The following KCNQ1 variants were observed in gnomAD, a reference collection of about 807,000 sequenced individuals.
KCNQ1 encodes the protein potassium voltage-gated channel subfamily KQT member 1.
A neutral mutation model predicts 72.4 loss-of-function variants in KCNQ1; 49 were observed. That is an observed-to-expected ratio of 0.68 (90% CI 0.54 to 0.86). The LOEUF is 0.86. Ranked by LOEUF, KCNQ1 falls within the 40% of genes least tolerant of loss-of-function variation. The pLI is 0.00. For synonymous variants in KCNQ1, 450 were observed against 412.6 expected, an observed-to-expected ratio of 1.09 and a Z score of -1.10; for missense variants, 790 against 945.1, an observed-to-expected ratio of 0.84 and a Z score of 2.15.
rs116453773 is a variant in KCNQ1, at chr11:2,769,838, A to T, written c.1590+919A>T. ...GGCTTCTGAGCTGGGGGCCCCTGGC[A>T]CCTCAGCCACAGCCTCACCAGTCAT... On this transcript the variant is annotated intron_variant, in intron 12 of 15. Coordinates refer to ENST00000155840, the MANE Select transcript of KCNQ1 (RefSeq NM_000218.3). This position sits in a 1 kb window ranked among gnomAD's most constrained non-coding sequence, Gnocchi z 4.6. Among the ~76,000 whole-genome samples, 437 of 152,058 alleles carry T rather than the reference A, an allele frequency of 2.9e-3. 2 individuals are homozygous for T. The highest frequency in any genetic ancestry group is 0.01 in the African/African-American group (422 of 41,452).
At chr11:2,843,948 A>G (rs1848263324) in intron 15 of KCNQ1, among the ~76,000 whole-genome samples, 1 of 152,116 alleles carries the variant, frequency 6.6e-6, no homozygotes, top group Non-Finnish European at 1.5e-5. Context: ...CCCAAAATTG[A>G]TCTGTCCCAG....
In KCNQ1 at chr11:2,624,766, G is replaced by A; in HGVS notation, c.1393+35912G>A. 1 of 398,312 alleles carries A rather than the reference G, an allele frequency of 2.5e-6. No homozygotes were observed. The highest frequency in any genetic ancestry group is 4.4e-6 in the Non-Finnish European group (1 of 226,012). 24.7% of individuals were successfully genotyped at this position (398,312 alleles called of 1,614,324 possible). A position where few individuals can be genotyped will look rare whatever the true frequency, so the allele number is the denominator to read the frequency against. On this transcript the variant is annotated intron_variant, in intron 10 of 15. Coordinates refer to ENST00000155840, the MANE Select transcript of KCNQ1 (RefSeq NM_000218.3). This position sits in a 1 kb window ranked among gnomAD's most constrained non-coding sequence, Gnocchi z 4.9. ...ACCCCCCCACCACCGCCATCTCTTGGAAACCACCTTGTACTTTCTATGTCT... is the reference window on the plus strand; with the variant it reads ...ACCCCCCCACCACCGCCATCTCTTGAAAACCACCTTGTACTTTCTATGTCT...
At chr11:2,634,216 A>T in intron 10 of KCNQ1, 3 of 394,534 alleles carry the variant, frequency 7.6e-6, no homozygotes, top group Non-Finnish European at 1.3e-5. Flanking sequence ...CATGTGCACA[A>T]CGTGCAGGTT....
chr11:2,792,801 G>A (rs1443599328), intron 15 of KCNQ1, among the ~76,000 whole-genome samples: 1 of 152,200 alleles, frequency 6.6e-6, no homozygotes, highest in East Asian at 1.9e-4. Flanking sequence ...CCAGCTCATG[G>A]CTTTGGCAGC....
intron 10 of KCNQ1, chr11:2,641,832 CG>C (rs890075301): frequency 2.5e-6 from 1 of 398,134 alleles, no homozygotes; most frequent in African/African-American, 2.1e-5. Context: ...GAGATAGAAA[CG>C]GTTTCATTTT....
chr11:2,714,073 G>C (rs1303347348), intron 11 of KCNQ1, among the ~76,000 whole-genome samples: 2 of 152,162 alleles, frequency 1.3e-5, no homozygotes, highest in Non-Finnish European at 2.9e-5. Flanking sequence ...GAGCGCCAAG[G>C]ATGCGGGCCA....
rs1321521807 is a variant in KCNQ1 at position 2,544,047 on chromosome 11, A to G, written c.477+16029A>G. On this transcript the variant is annotated intron_variant, in intron 2 of 15. Coordinates refer to ENST00000155840, the MANE Select transcript of KCNQ1 (RefSeq NM_000218.3). The surrounding 1 kb of genome is among the most constrained non-coding windows in gnomAD (Gnocchi z 4.4). Reference sequence around the variant, plus strand: ...TAGCCAACTTTGTTTTGCTATTTCAAGTTGTGTTGGTTGTTCGGGGTCCTT... The same window carrying G: ...TAGCCAACTTTGTTTTGCTATTTCAGGTTGTGTTGGTTGTTCGGGGTCCTT... 6.6e-6 allele frequency among the ~76,000 whole-genome samples: 1 copy of G among 152,088 alleles called. No individual in the cohort carries two copies. Among genetic ancestry groups the G allele is most frequent in the Non-Finnish European group, 1.5e-5 (1 of 68,028 alleles).
chr11:2,561,610 C>T (rs113973957), intron 2 of KCNQ1, among the ~76,000 whole-genome samples: 35 of 152,346 alleles, frequency 2.3e-4, no homozygotes, highest in African/African-American at 7.5e-4. Context: ...CTGGGTCCCC[C>T]GCCTGGGATG....
rs1229005203 is a variant in KCNQ1, at chr11:2,572,710, G to A, written c.781-136G>A. 16 of 1,129,940 alleles carry A rather than the reference G, an allele frequency of 1.4e-5. No individual in the cohort carries two copies. The East Asian group carries it at 2.0e-4, about 14-fold the overall frequency. The allele number at this position is 1,129,940 out of a possible 1,614,324, so 70.0% of individuals were successfully genotyped here. A position where few individuals can be genotyped will look rare whatever the true frequency, so the allele number is the denominator to read the frequency against. On this transcript the variant is annotated intron_variant, in intron 5 of 15. Coordinates refer to ENST00000155840, the MANE Select transcript of KCNQ1 (RefSeq NM_000218.3). ...GTGAGGAGTGGGCTATATTGAAGCC[G>A]GCCCTGTGCATGTGAACCGCGCTGG... is the stretch of plus-strand genomic sequence containing the variant.
In KCNQ1 at chr11:2,626,534, T is replaced by C; in HGVS notation, c.1394-35427T>C. ...ACTGTAGCTTCGTAATAAGTTGGGGTTTTTGTTTGTTTTTCAGACATTCTT... is the reference window on the plus strand; with the variant it reads ...ACTGTAGCTTCGTAATAAGTTGGGGCTTTTGTTTGTTTTTCAGACATTCTT... On this transcript the variant is annotated intron_variant, in intron 10 of 15. Coordinates refer to ENST00000155840, the MANE Select transcript of KCNQ1 (RefSeq NM_000218.3). The surrounding 1 kb of genome is among the most constrained non-coding windows in gnomAD (Gnocchi z 4.0). 2.5e-6 allele frequency: 1 copy of C among 398,418 alleles called. No homozygotes were observed. Among genetic ancestry groups the C allele is most frequent in the Non-Finnish European group, 4.4e-6 (1 of 226,054 alleles). The allele number at this position is 398,418 out of a possible 1,614,324, so 24.7% of individuals were successfully genotyped here.
chr11:2,532,498 G>A (rs572505426), intron 2 of KCNQ1, among the ~76,000 whole-genome samples: 1 of 152,244 alleles, frequency 6.6e-6, no homozygotes, highest in Non-Finnish European at 1.5e-5. Flanking sequence ...TGGCCATGGT[G>A]GGGGCACGTT....
chr11:2,523,666 C>T (rs2133640752), intron 1 of KCNQ1, among the ~76,000 whole-genome samples: 1 of 151,812 alleles, frequency 6.6e-6, no homozygotes, highest in Admixed American at 6.5e-5. Flanking sequence ...TCTCAGCTTC[C>T]ACATTGCATC....
In KCNQ1 at chr11:2,803,448, C is replaced by T. The variant is rs1261556984; in HGVS notation, c.1794+25411C>T. On this transcript the variant is annotated intron_variant, in intron 15 of 15. Transcript: ENST00000155840. The surrounding 1 kb of genome is among the most constrained non-coding windows in gnomAD (Gnocchi z 6.4). ...TGCCTTCTGGGCTCTGGAGAATGCA[C>T]CTGTGTTCCCAGGAGCTTTAGGGGT... Among the ~76,000 whole-genome samples, 1 of 152,178 alleles carries T rather than the reference C, an allele frequency of 6.6e-6. No individual in the cohort carries two copies. The highest frequency in any genetic ancestry group is 1.5e-5 in the Non-Finnish European group (1 of 68,022).
rs1020461652 is a variant in KCNQ1 at position 2,447,905 on chromosome 11, C to A, written c.386+2421C>A. Among the ~76,000 whole-genome samples, 2 of 152,192 alleles carry A rather than the reference C, an allele frequency of 1.3e-5. No homozygotes were observed. Among genetic ancestry groups the A allele is most frequent in the Non-Finnish European group, 2.9e-5 (2 of 68,006 alleles). ...AGCCAGCCAGGATATCCTGTCCCCTCCTCGGGGAACCCCCCCTCCCCAGGA... is the reference window on the plus strand; with the variant it reads ...AGCCAGCCAGGATATCCTGTCCCCTACTCGGGGAACCCCCCCTCCCCAGGA... On this transcript the variant is annotated intron_variant, in intron 1 of 15. Transcript: ENST00000155840. The surrounding 1 kb of genome is among the most constrained non-coding windows in gnomAD (Gnocchi z 7.6).
chr11:2,490,371 C>CAA (rs1324143328), intron 1 of KCNQ1, among the ~76,000 whole-genome samples: 1 of 152,250 alleles, frequency 6.6e-6, no homozygotes, highest in Non-Finnish European at 1.5e-5. Flanking sequence ...AAGTGAAGGA[C>CAA]AAAAGCCTGG....
intron 15 of KCNQ1, among the ~76,000 whole-genome samples, chr11:2,811,383 A>G (rs1460022570): frequency 3.3e-5 from 5 of 152,236 alleles, no homozygotes; most frequent in Non-Finnish European, 7.3e-5. Context: ...AAGGCAGCAG[A>G]ACGTTCTCCT....
In KCNQ1 at chr11:2,826,178, T is replaced by C. The variant is rs1162909259; in HGVS notation, c.1795-21589T>C. 6.6e-6 allele frequency among the ~76,000 whole-genome samples: 1 copy of C among 152,166 alleles called. No homozygotes were observed. The highest frequency in any genetic ancestry group is 2.4e-5 in the African/African-American group (1 of 41,438). Reference sequence around the variant, plus strand: ...GCTGTCCAGCCCGCAGCAGAACCTCTCCGAGGGAGTGCTATTGTTTTTCAT... The same window carrying C: ...GCTGTCCAGCCCGCAGCAGAACCTCCCCGAGGGAGTGCTATTGTTTTTCAT... On this transcript the variant is annotated intron_variant, in intron 15 of 15. Transcript: ENST00000155840. The surrounding 1 kb of genome is among the most constrained non-coding windows in gnomAD (Gnocchi z 4.2).
rs1846242461 is a variant in KCNQ1 at position 2,752,518 on chromosome 11, G to T, written c.1515-16326G>T. Among the ~76,000 whole-genome samples the T allele has an allele frequency of 6.6e-6, 1 of 152,166 alleles. No individual in the cohort carries two copies. The highest frequency in any genetic ancestry group is 2.4e-5 in the African/African-American group (1 of 41,426). ...AATTCATTGTTCTGGAGACTGGGAA[G>T]CACAGGGTCAGGGCGCCAGCAGATC... On this transcript the variant is annotated intron_variant, in intron 11 of 15. Coordinates refer to ENST00000155840, the MANE Select transcript of KCNQ1 (RefSeq NM_000218.3). This position sits in a 1 kb window ranked among gnomAD's most constrained non-coding sequence, Gnocchi z 5.2.
chr11:2,671,013 G>A lies in KCNQ1; in HGVS notation c.1514+8932G>A. On this transcript the variant is annotated intron_variant, in intron 11 of 15. Coordinates refer to ENST00000155840, the MANE Select transcript of KCNQ1 (RefSeq NM_000218.3). The surrounding 1 kb of genome is among the most constrained non-coding windows in gnomAD (Gnocchi z 4.7). ...GCTTTAGATATGTGGGCCCTGTTAG[G>A]GACAACGTAGGTGTCCTGGGCAGGG... The A allele has an allele frequency of 2.5e-6, 1 of 398,574 alleles. No individual in the cohort carries two copies. The highest frequency in any genetic ancestry group is 4.4e-6 in the Non-Finnish European group (1 of 226,078). The allele number at this position is 398,574 out of a possible 1,614,324, so 24.7% of individuals were successfully genotyped here. A position where few individuals can be genotyped will look rare whatever the true frequency, so the allele number is the denominator to read the frequency against.
Sources: allele counts gnomAD v4.1 joint callset (sites outside exome capture counted in the v4.1 genomes callset), GRCh38; gene constraint gnomAD v4.1.1; non-coding constraint Gnocchi (gnomAD v3.1); transcripts MANE v1.5; gene names NCBI Gene and HGNC (gene_info 2026-07-23, HGNC 2026-07-21).